TTN: variants seen among roughly 807,000 people sequenced by gnomAD.
The protein encoded by TTN is connectin.
TTN carries 1,525 observed loss-of-function variants against 3,223.0 expected under a neutral mutation model. The observed-to-expected ratio is 0.47, with a 90% CI of 0.45 to 0.49. TTN has a LOEUF of 0.49. TTN is among the 20% of genes least tolerant of loss of function. TTN has a pLI of 0.00. For synonymous variants in TTN, 14,094 were observed against 15,161.0 expected (o/e 0.93, Z 5.17); for missense variants, 40,786 against 43,424.0 (o/e 0.94, Z 5.40).
At chr2:178,769,597 G>T (rs2091141566) in intron 37 of TTN, 82 bp downstream of exon 37, 3 of 1,244,348 alleles carry the variant, frequency 2.4e-6, no homozygotes, top group Non-Finnish European at 3.2e-6. Context: ...GCAAAGTGTA[G>T]GATATAGAAT....
At chr2:178,693,576 A>G in intron 119 of TTN, 33 bp downstream of exon 119, 3 of 1,438,378 alleles carry the variant, frequency 2.1e-6, no homozygotes, top group South Asian at 2.7e-5. Flanking sequence ...ATTTTTATTA[A>G]AAGAGTTTAA....
At chr2:178,681,007 A>T in intron 138 of TTN, 72 bp downstream of exon 138, 1 of 1,275,806 alleles carries the variant, frequency 7.8e-7, no homozygotes, top group Non-Finnish European at 1.1e-6. Context: ...ACAAAATGAA[A>T]TGAATCATAG....
chr2:178,732,746 CAA>C, intron 55 of TTN, 28 bp from the exon 56 acceptor site: 1 of 1,560,154 alleles, frequency 6.4e-7, no homozygotes, highest in Non-Finnish European at 8.7e-7. Flanking sequence ...GAAAGAATTT[CAA>C]AGAGTTAAGA....
At chr2:178,782,151 C>T (rs921738814) in intron 20 of TTN, 61 bp downstream of exon 20, 1 of 1,593,706 alleles carries the variant, frequency 6.3e-7, no homozygotes, top group African/African-American at 1.3e-5. Flanking sequence ...AAATTCTACT[C>T]TAGGCTTCAT....
At chr2:178,783,161 A>C (rs1574775931) in intron 17 of TTN, 97 bp from the exon 18 acceptor site, 4 of 1,403,832 alleles carry the variant, frequency 2.8e-6, no homozygotes, top group Non-Finnish European at 4.0e-6. Context: ...ATGCATTTCA[A>C]CTGCCACAAA....
In TTN at chr2:178,739,700, T is replaced by C. The variant is rs2082142381; in HGVS notation, c.13533A>G (p.Ser4511=). ...TAATGGGTTCAACCTTCTGTGAACC[T>C]GAAAAAGAATCCATTTCTTCTTGCA... ...TSLQEEMDSF[S]GSQKVEPITE... is the part of the protein sequence containing the mutation. The change falls in exon 48 of 363, where the codon TCA becomes TCG. Residue 4511 remains serine, a synonymous_variant. Coordinates refer to ENST00000589042, the MANE Select transcript of TTN (RefSeq NM_001267550.2). The C allele has an allele frequency of 6.2e-7, 1 of 1,613,968 alleles. No individual in the cohort carries two copies. Among genetic ancestry groups the C allele is most frequent in the South Asian group, 1.1e-5 (1 of 91,086 alleles).
chr2:178,573,090 T>G lies in TTN; in HGVS notation c.73042A>C (p.Ile24348Leu), dbSNP rs1708838358. Residue 24348 changes from isoleucine (I) to leucine (L), a missense_variant, in exon 326 of 363, where the codon ATC becomes CTC. By Grantham distance (5) the Ile-to-Leu change is conservative. Transcript: ENST00000589042. Reference sequence around the variant, plus strand: ...GTGATTTCTGAACCACCATCATAGATAGGTTTATTCCAAGCGATTGAAATG... The same window carrying G: ...GTGATTTCTGAACCACCATCATAGAGAGGTTTATTCCAAGCGATTGAAATG... The part of the protein sequence containing the change: ...SSISIAWNKP[I>L]YDGGSEITGY... 2 of 1,613,252 alleles carry G rather than the reference T, an allele frequency of 1.2e-6. No homozygotes were observed. The highest frequency in any genetic ancestry group is 1.7e-6 in the Non-Finnish European group (2 of 1,179,542).
chr2:178,575,461 T>A lies in TTN; in HGVS notation c.70671A>T (p.Lys23557Asn). ...STVSLAWPKP[K>N]HDGGSKITGY... is the part of the protein sequence containing the mutation. ...CAGTGATCTTGCTGCCACCATCGTG[T>A]TTGGGCTTAGGCCATGCCAGGCTGA... Residue 23557 changes from lysine to asparagine, a missense_variant, in exon 326 of 363, where the codon AAA becomes AAT. Lys to Asn is a moderately conservative substitution (Grantham distance 94, BLOSUM62 0). Transcript: ENST00000589042. This position sits in a 1 kb window ranked among gnomAD's most constrained non-coding sequence, Gnocchi z 4.0. 1.2e-6 allele frequency: 2 copies of A among 1,613,570 alleles called. No homozygotes were observed. The highest frequency in any genetic ancestry group is 1.7e-6 in the Non-Finnish European group (2 of 1,179,636).
intron 33 of TTN, among the ~76,000 whole-genome samples, chr2:178,772,777 T>C (rs1301118316): frequency 6.6e-6 from 1 of 152,188 alleles, no homozygotes; most frequent in African/African-American, 2.4e-5. Flanking sequence ...ACACTGATAT[T>C]GAAAGAGGAA....
chr2:178,626,262 TATTA>T (rs545363333), intron 240 of TTN, among the ~76,000 whole-genome samples: 50 of 152,150 alleles, frequency 3.3e-4, no homozygotes, highest in African/African-American at 1.1e-3. Flanking sequence ...TTGTACAACC[TATTA>T]ATTTTGTTCA....
intron 119 of TTN, among the ~76,000 whole-genome samples, chr2:178,692,955 A>G (rs1026461601): frequency 6.6e-6 from 1 of 151,630 alleles, no homozygotes; most frequent in Non-Finnish European, 1.5e-5. Flanking sequence ...TTTGTGTCTT[A>G]AATGTTTAAC....
At chr2:178,748,989 C>G (rs1183284556) in intron 47 of TTN, 1 of 1,612,222 alleles carries the variant, frequency 6.2e-7, no homozygotes, top group African/African-American at 1.3e-5. Context: ...TCTAGAACTC[C>G]TTTTTCTACA....
Position 178,715,230 on chromosome 2 carries a change from T to C in TTN, c.25956A>G (p.Ile8652Met), listed in dbSNP as rs760452917. 81 of 1,610,472 alleles carry C rather than the reference T, an allele frequency of 5.0e-5. 2 individuals carry two copies. In the South Asian group the frequency reaches 8.5e-4, roughly 17 times the overall value. ...PPIFRKKPHP[I>M]ETLKGADVHL... ...GAACATCAGCTCCTTTCAGTGTCTC[T>C]ATAGGATGAGGCTTTTTGCGGAAAA... The change falls in exon 90 of 363, where the codon ATA becomes ATG. Residue 8652 changes from isoleucine (I) to methionine (M), a missense_variant. Coordinates refer to ENST00000589042, the MANE Select transcript of TTN (RefSeq NM_001267550.2).
chr2:178,796,202 G>A (rs2093760721), intron 6 of TTN, among the ~76,000 whole-genome samples: 2 of 151,410 alleles, frequency 1.3e-5, no homozygotes, highest in African/African-American at 4.9e-5. Flanking sequence ...CTATTGTAAG[G>A]TAAAATTTTT....
Position 178,650,005 on chromosome 2 carries a change from T to G in TTN, c.39818-111A>C. 7 of 1,360,812 alleles carry G rather than the reference T, an allele frequency of 5.1e-6. No homozygotes were observed. In the South Asian group the frequency reaches 8.9e-5, roughly 17 times the overall value. The allele number at this position is 1,360,812 out of a possible 1,614,324, so 84.3% of individuals were successfully genotyped here. On this transcript the variant is annotated intron_variant, in intron 210 of 362. Coordinates refer to ENST00000589042, the MANE Select transcript of TTN (RefSeq NM_001267550.2). ...TCTTGGTATATGTGGGACCAAATTCTGTGGGTCCAAAGTTTTATGTGTAGA... is the reference window on the plus strand; with the variant it reads ...TCTTGGTATATGTGGGACCAAATTCGGTGGGTCCAAAGTTTTATGTGTAGA...
At chr2:178,749,107 G>A in intron 47 of TTN, 1 of 1,612,700 alleles carries the variant, frequency 6.2e-7, no homozygotes, top group South Asian at 1.1e-5. Context: ...CTTTTGTATT[G>A]TAACTGTCAG....
At position 178,677,687 on chromosome 2, in the gene TTN, C is replaced by T. The variant is rs770657053; in HGVS notation, c.34225G>A (p.Glu11409Lys). 2.5e-6 allele frequency: 4 copies of T among 1,612,568 alleles called. No homozygotes were observed. The highest frequency in any genetic ancestry group is 1.3e-5 in the African/African-American group (1 of 74,886). Residue 11409 changes from glutamate (E) to lysine (K), a missense_variant, in exon 146 of 363, where the codon GAA (glutamate) becomes AAA (lysine). By Grantham distance (56) the Glu-to-Lys change is moderately conservative (BLOSUM62 1). Transcript: ENST00000589042. ...ACTTCTTCTTCAGGTACAAATTCTT[C>T]TTCCTCAGGTACATATTCTTCTTCG... Reference protein sequence around the residue: ...PPEEEYVPEEEEFVPEEEVLP... With the variant: ...PPEEEYVPEEKEFVPEEEVLP...
At position 178,669,407 on chromosome 2, in the gene TTN, T is replaced by A. The variant is rs763980218; in HGVS notation, c.35511A>T (p.Ser11837=). The part of the protein sequence containing the change: ...MPKKSVQEEK[S]PIVISEDTEM... The stretch of plus-strand genomic sequence containing the variant: ...CTGTGTCTTCAGAAATAACAATAGG[T>A]GATTTTTCTTCTTGAACACTTTTCT... The change falls in exon 159 of 363, where the codon TCA becomes TCT. Residue 11837 remains serine (S), a synonymous_variant. Coordinates refer to ENST00000589042, the MANE Select transcript of TTN (RefSeq NM_001267550.2). The A allele has an allele frequency of 3.9e-6, 6 of 1,521,172 alleles. No homozygotes were observed. The highest frequency in any genetic ancestry group is 5.2e-6 in the Non-Finnish European group (6 of 1,146,754). The allele number at this position is 1,521,172 out of a possible 1,614,324, so 94.2% of individuals were successfully genotyped here. A position where few individuals can be genotyped will look rare whatever the true frequency, so the allele number is the denominator to read the frequency against.
At position 178,582,036 on chromosome 2, in the gene TTN, T is replaced by TA; in HGVS notation, c.66332dup (p.Glu22112ArgfsTer16). 1 of 1,613,358 alleles carries TA rather than the reference T, an allele frequency of 6.2e-7. No homozygotes were observed. The highest frequency in any genetic ancestry group is 8.5e-7 in the Non-Finnish European group (1 of 1,179,502). On this transcript the variant is annotated frameshift_variant, in exon 315 of 363. Transcript: ENST00000589042. LOFTEE classifies it high-confidence loss of function. The stretch of plus-strand genomic sequence containing the variant: ...GACCTGTTGCTTTTAATGTTCTTTC[T>TA]ATAATAGGTTTTCTGTTGACCTTAG...
Sources: gnomAD v4.1 joint callset for allele counts (sites outside exome capture counted in the v4.1 genomes callset) on GRCh38, gnomAD v4.1.1 for gene constraint, Gnocchi (gnomAD v3.1) non-coding constraint, MANE v1.5 for transcripts, NCBI Gene and HGNC (gene_info 2026-07-23, HGNC 2026-07-21) for gene names.